Variants in FCHO1 observed in about 807,000 individuals in gnomAD.
FCHO1 encodes FCH and mu domain containing endocytic adaptor 1, also known as F-BAR domain only protein 1.
Under a neutral mutation model 114.4 loss-of-function variants are expected in FCHO1, and 45 were observed. That is an observed-to-expected ratio of 0.39 (90% confidence interval 0.31 to 0.50). The LOEUF (loss-of-function observed/expected upper bound fraction) is 0.50, where lower values mean the gene tolerates loss of function less well. FCHO1 is among the 20% of genes least tolerant of loss of function. The pLI is 0.77. For missense variants in FCHO1, 1,042 were observed against 1,209.6 expected (o/e 0.86, Z 2.06); for synonymous variants, 480 against 488.9 (o/e 0.98, Z 0.24).
Position 17,776,110 on chromosome 19 carries a change from G to T in FCHO1, c.1131G>T (p.Ala377=), listed in dbSNP as rs1173497918. ...RAPACSPEAA[A]AQLRATAGSL... is the part of the protein sequence containing the mutation. The stretch of plus-strand genomic sequence containing the variant: ...CAGCCTGCAGCCCCGAGGCAGCAGC[G>T]GCACAGCTCAGGGCCACCGCGGGCA... Residue 377 remains alanine (A), a synonymous_variant, in exon 16 of 29, where the codon GCG becomes GCT. Transcript: ENST00000596536. This position sits in a 1 kb window ranked among gnomAD's most constrained non-coding sequence, Gnocchi z 4.4. 1 of 1,612,960 alleles carries T rather than the reference G, an allele frequency of 6.2e-7. No homozygotes were observed. The highest frequency in any genetic ancestry group is 1.7e-5 in the Admixed American group (1 of 60,006).
intron 23 of FCHO1, 30 bp from the exon 24 acceptor site, chr19:17,782,987 G>C (rs1159180939): frequency 6.2e-7 from 1 of 1,610,520 alleles, no homozygotes; most frequent in Non-Finnish European, 8.5e-7. Flanking sequence ...AGAGCCCTAA[G>C]CCAACACCCA....
At chr19:17,774,607 C>T (rs1432599674) in intron 13 of FCHO1, 129 bp downstream of exon 13, 12 of 724,196 alleles carry the variant, frequency 1.7e-5, no homozygotes, top group Non-Finnish European at 2.7e-5. Context: ...CCAGGATTCC[C>T]TCTACCTGAG....
intron 6 of FCHO1, among the ~76,000 whole-genome samples, chr19:17,765,640 T>C (rs1036502837): frequency 1.3e-5 from 2 of 151,894 alleles, no homozygotes; most frequent in Non-Finnish European, 2.9e-5. Context: ...ACCACTGCAC[T>C]TCAGCCTGGG....
At chr19:17,763,563 C>CTTTTTT (rs71162195) in intron 5 of FCHO1, among the ~76,000 whole-genome samples, 1 of 113,560 alleles carries the variant, frequency 8.8e-6, no homozygotes, top group East Asian at 2.8e-4. Context: ...TGCACTCTGC[C>CTTTTTT]TTTTTTTTTT....
At chr19:17,779,494 G>A (rs529342960) in intron 20 of FCHO1, among the ~76,000 whole-genome samples, 62 of 151,674 alleles carry the variant, frequency 4.1e-4, no homozygotes, top group Non-Finnish European at 8.2e-4. Context: ...GGGAGAAGCA[G>A]GTGGAAAGGT....
At chr19:17,774,363 A>G (rs1309870775) in intron 12 of FCHO1, 31 bp from the exon 13 acceptor site, 2 of 1,613,370 alleles carry the variant, frequency 1.2e-6, no homozygotes, top group Non-Finnish European at 1.7e-6. Flanking sequence ...GGAGGCTCAC[A>G]GTGCTCAGGT....
chr19:17,767,497 G>C (rs1398511791), intron 7 of FCHO1, among the ~76,000 whole-genome samples: 1 of 146,034 alleles, frequency 6.8e-6, no homozygotes. Flanking sequence ...AGCATGGGAG[G>C]TCGAGGCTGC....
chr19:17,750,551 TG>T (rs1308411223), upstream of FCHO1, among the ~76,000 whole-genome samples: 2 of 148,894 alleles, frequency 1.3e-5, no homozygotes, highest in Non-Finnish European at 3.0e-5. Context: ...CTCCATCTCC[TG>T]GGTTCAAGCG....
rs1390965658 is a variant in FCHO1, at chr19:17,776,173, G to A, written c.1182+12G>A. On this transcript the variant is annotated intron_variant, in intron 16 of 28. Transcript: ENST00000596536. The surrounding 1 kb of genome is among the most constrained non-coding windows in gnomAD (Gnocchi z 4.4). ...CTCCTGGCCCAGGGGTGAGGCGTGG[G>A]AGGGGTGCCCTGGGTGTTGCTAGAG... 6.2e-7 allele frequency: 1 copy of A among 1,613,946 alleles called. No individual in the cohort carries two copies. Among genetic ancestry groups the A allele is most frequent in the African/African-American group, 1.3e-5 (1 of 74,922 alleles).
chr19:17,749,927 G>A (rs116025742), upstream of FCHO1, among the ~76,000 whole-genome samples: 649 of 152,296 alleles, frequency 4.3e-3, 3 homozygotes, highest in Middle Eastern at 0.017. Flanking sequence ...GTGAGATCCT[G>A]TTTCCCAGGA....
intron 28 of FCHO1, 164 bp from the exon 29 acceptor site, chr19:17,788,120 G>GCC (rs964687446): frequency 3.0e-6 from 2 of 675,352 alleles, no homozygotes; most frequent in African/African-American, 3.6e-5. Flanking sequence ...CTGTTCTCCT[G>GCC]CCCCCAACAA....
chr19:17,781,190 C>CG, intron 20 of FCHO1, 41 bp from the exon 21 acceptor site: 1 of 1,462,522 alleles, frequency 6.8e-7, no homozygotes, highest in South Asian at 1.2e-5. Flanking sequence ...CCAGAGGCCC[C>CG]GGGCAGCATC....
chr19:17,782,772 G>A (rs1302478659), intron 23 of FCHO1, among the ~76,000 whole-genome samples: 1 of 152,132 alleles, frequency 6.6e-6, no homozygotes, highest in Non-Finnish European at 1.5e-5. Flanking sequence ...GCTTCCTGGT[G>A]GCCTAGGAGA....
Position 17,784,416 on chromosome 19 carries a change from T to C in FCHO1, c.2226+181T>C, listed in dbSNP as rs1428733603. 6.6e-6 allele frequency among the ~76,000 whole-genome samples: 1 copy of C among 151,920 alleles called. No individual in the cohort carries two copies. The highest frequency in any genetic ancestry group is 1.9e-4 in the East Asian group (1 of 5,178). On this transcript the variant is annotated intron_variant, in intron 25 of 28. Coordinates refer to ENST00000596536, the MANE Select transcript of FCHO1 (RefSeq NM_015122.3). This position sits in a 1 kb window ranked among gnomAD's most constrained non-coding sequence, Gnocchi z 5.3. ...GGCAGTGTGGGTCGGGAATGAACGGTGGAGGAGTAGGCAGTGTGGAAGAGC... is the reference window on the plus strand; with the variant it reads ...GGCAGTGTGGGTCGGGAATGAACGGCGGAGGAGTAGGCAGTGTGGAAGAGC...
chr19:17,766,717 G>A lies in FCHO1; in HGVS notation c.243G>A (p.Leu81=), dbSNP rs777936504. The stretch of plus-strand genomic sequence containing the variant: ...TCTTCCGCGTCTCCTCGGACAAGCT[G>A]GCGCTGTGCCACCTGGAACTGACAC... The part of the protein sequence containing the change: ...WEVFRVSSDK[L]ALCHLELTRK... The change falls in exon 7 of 29, where the codon CTG becomes CTA. Residue 81 remains leucine (L), a synonymous_variant. Coordinates refer to ENST00000596536, the MANE Select transcript of FCHO1 (RefSeq NM_015122.3). The A allele has an allele frequency of 1.5e-5, 25 of 1,614,038 alleles. No homozygotes were observed. In the African/African-American group the frequency reaches 2.4e-4, roughly 16 times the overall value.
intron 11 of FCHO1, 101 bp from the exon 12 acceptor site, chr19:17,774,138 A>G: frequency 9.4e-7 from 1 of 1,062,822 alleles, no homozygotes; most frequent in Non-Finnish European, 1.4e-6. Flanking sequence ...TGAACTCCTG[A>G]CCTCAGGTGA....
rs1431721149 is a variant in FCHO1 at position 17,773,919 on chromosome 19, T to A, written c.791-320T>A. On this transcript the variant is annotated intron_variant, in intron 11 of 28. Coordinates refer to ENST00000596536, the MANE Select transcript of FCHO1 (RefSeq NM_015122.3). ...TCTCTCTCTCTTTTTTTTTTTTTTT[T>A]AATTTTTTTGAGGCAGAGTCTTGCT... 1.5e-4 allele frequency among the ~76,000 whole-genome samples: 17 copies of A among 115,778 alleles called. 1 individual carries two copies. The highest frequency in any genetic ancestry group is 4.7e-3 in the Middle Eastern group (1 of 212). 76.0% of individuals were successfully genotyped at this position (115,778 alleles called of 152,430 possible).
intron 7 of FCHO1, among the ~76,000 whole-genome samples, chr19:17,770,029 G>C (rs866898988): frequency 6.6e-6 from 1 of 152,008 alleles, no homozygotes; most frequent in Admixed American, 6.6e-5. Context: ...GCCGGGCGTG[G>C]TGGCTCACAC....
At chr19:17,761,036 C>G (rs577071643) in intron 4 of FCHO1, among the ~76,000 whole-genome samples, 2 of 152,154 alleles carry the variant, frequency 1.3e-5, no homozygotes, top group Non-Finnish European at 2.9e-5. Flanking sequence ...TGGCCTCCCC[C>G]ACCATGACAA....
Sources: gnomAD v4.1 joint callset for allele counts (sites outside exome capture counted in the v4.1 genomes callset) on GRCh38, gnomAD v4.1.1 for gene constraint, Gnocchi (gnomAD v3.1) non-coding constraint, MANE v1.5 for transcripts, NCBI Gene and HGNC (gene_info 2026-07-23, HGNC 2026-07-21) for gene names.